Variants in NAV1 observed in about 807,000 individuals in gnomAD.
The protein encoded by NAV1 is pore membrane and/or filament interacting like protein 3.
A neutral mutation model predicts 175.2 loss-of-function variants in NAV1; 18 were observed. That is an observed-to-expected ratio of 0.10 (90% CI 0.07 to 0.15). The LOEUF is 0.15. Among genes scored for constraint, NAV1 ranks in the 10% least tolerant of loss-of-function variants. The probability of loss-of-function intolerance (pLI) is 1.00; values close to 1 mark genes in which losing one functional copy is unlikely to be tolerated. For missense variants in NAV1, 1,731 were observed against 2,436.6 expected (o/e 0.71, Z 6.10); for synonymous variants, 897 against 978.7 (o/e 0.92, Z 1.56).
intron 1 of NAV1, among the ~76,000 whole-genome samples, chr1:201,671,797 C>A (rs891578235): frequency 6.6e-6 from 1 of 152,162 alleles, no homozygotes; most frequent in African/African-American, 2.4e-5. Context: ...CATGGGGAAC[C>A]ATGCCACTGG....
intron 1 of NAV1, among the ~76,000 whole-genome samples, chr1:201,669,252 G>T (rs142580338): frequency 1.6e-4 from 24 of 152,342 alleles, no homozygotes; most frequent in African/African-American, 5.8e-4. Context: ...CTCACATTGG[G>T]TACATGTTAT....
Position 201,718,823 on chromosome 1 carries a change from A to G in NAV1, c.1226+68A>G. On this transcript the variant is annotated intron_variant, in intron 3 of 29. Coordinates refer to ENST00000367296, the Ensembl canonical transcript of NAV1. The surrounding 1 kb of genome is among the most constrained non-coding windows in gnomAD (Gnocchi z 4.8). Reference sequence around the variant, plus strand: ...AAGACCACTGGGATGCGACGCCTTAAAAGTGGAGTGGAACCCAAAACGGGT... The same window carrying G: ...AAGACCACTGGGATGCGACGCCTTAGAAGTGGAGTGGAACCCAAAACGGGT... 6.5e-7 allele frequency: 1 copy of G among 1,539,444 alleles called. No homozygotes were observed. Among genetic ancestry groups the G allele is most frequent in the South Asian group, 1.3e-5 (1 of 79,604 alleles).
Position 201,782,763 on chromosome 1 carries a change from GACA to G in NAV1, c.2255_2257del (p.Asn752del). 6.2e-7 allele frequency: 1 copy of G among 1,614,134 alleles called. No homozygotes were observed. The highest frequency in any genetic ancestry group is 8.5e-7 in the Non-Finnish European group (1 of 1,180,040). On this transcript the variant is annotated inframe_deletion, in exon 6 of 30. Transcript: ENST00000367296. This position sits in a 1 kb window ranked among gnomAD's most constrained non-coding sequence, Gnocchi z 5.4. ...AGCCAAGGCAGTGGCCTTGGACTCAGACAACATCTCCTTGAAGAGTATTGGCTC... is the reference window on the plus strand; with the variant it reads ...AGCCAAGGCAGTGGCCTTGGACTCAGACATCTCCTTGAAGAGTATTGGCTC...
upstream of NAV1, among the ~76,000 whole-genome samples, chr1:201,618,395 T>C (rs982671103): frequency 3.3e-5 from 5 of 152,104 alleles, no homozygotes; most frequent in African/African-American, 1.2e-4. Flanking sequence ...ACTAGCTAGA[T>C]CTCCAGCATG....
chr1:201,601,284 C>T (rs1462471728), intron 2 of NAV1, among the ~76,000 whole-genome samples: 1 of 152,152 alleles, frequency 6.6e-6, no homozygotes, highest in Non-Finnish European at 1.5e-5. Flanking sequence ...GAGTTCAAAA[C>T]CAGCTTGAGC....
At chr1:201,669,419 A>G (rs1372423786) in intron 1 of NAV1, among the ~76,000 whole-genome samples, 1 of 151,982 alleles carries the variant, frequency 6.6e-6, no homozygotes, top group East Asian at 1.9e-4. Flanking sequence ...AGGAGGCTCA[A>G]GTATTTGAGG....
chr1:201,638,572 C>T (rs1356368596), intron 2 of NAV1, among the ~76,000 whole-genome samples: 3 of 152,180 alleles, frequency 2.0e-5, no homozygotes, highest in African/African-American at 7.2e-5. Context: ...CTGTGGGGTT[C>T]TATATGTCTT....
intron 2 of NAV1, among the ~76,000 whole-genome samples, chr1:201,601,627 C>T (rs1045820447): frequency 4.6e-5 from 7 of 152,150 alleles, no homozygotes; most frequent in African/African-American, 1.2e-4. Flanking sequence ...CTCTTTCCAA[C>T]GTGTGAGGAC....
chr1:201,703,254 G>C (rs1374325414), intron 1 of NAV1, among the ~76,000 whole-genome samples: 4 of 152,340 alleles, frequency 2.6e-5, no homozygotes, highest in African/African-American at 9.6e-5. Flanking sequence ...GGGCAGGAAA[G>C]TCAAGGCCTG....
chr1:201,670,380 CAAAAAAAA>C (rs58216500), intron 1 of NAV1, among the ~76,000 whole-genome samples: 9 of 12,168 alleles, frequency 7.4e-4, no homozygotes, highest in African/African-American at 1.4e-3. Context: ...GACTCCATCT[CAAAAAAAA>C]AAAAAAAAAA....
intron 2 of NAV1, among the ~76,000 whole-genome samples, chr1:201,613,012 C>T (rs867856159): frequency 3.3e-5 from 5 of 152,022 alleles, no homozygotes; most frequent in Non-Finnish European, 7.4e-5. Flanking sequence ...ATTTCCAGGG[C>T]GGAGGGAGGG....
chr1:201,779,299 A>G (rs1235052033), intron 3 of NAV1, among the ~76,000 whole-genome samples: 1 of 152,096 alleles, frequency 6.6e-6, no homozygotes, highest in African/African-American at 2.4e-5. Flanking sequence ...AAACCCAAAA[A>G]TGAACAGCCA....
rs1678728687 is a variant in NAV1 at position 201,812,113 on chromosome 1, A to AT, written c.5024+142dup. 1 of 843,658 alleles carries AT rather than the reference A, an allele frequency of 1.2e-6. No individual in the cohort carries two copies. Among genetic ancestry groups the AT allele is most frequent in the Non-Finnish European group, 1.9e-6 (1 of 515,068 alleles). The allele number at this position is 843,658 out of a possible 1,614,324, so 52.3% of individuals were successfully genotyped here. ...TGGGCTGGAAATAGAAAGTAGATGT[A>AT]TTTGTCATGTCAGTTACAAGGTGGA... On this transcript the variant is annotated intron_variant, in intron 26 of 29. Transcript: ENST00000367296. The surrounding 1 kb of genome is among the most constrained non-coding windows in gnomAD (Gnocchi z 4.6).
At position 201,631,827 on chromosome 1, in the gene NAV1, TG is replaced by T. The variant is rs1025469685; in HGVS notation, c.4+2325del. On this transcript the variant is annotated intron_variant, in intron 2 of 29. Transcript: ENST00000367302. ...ATTTCCATATCAATTTGTAGATGGC[TG>T]GGGGTTTGGGGGCTTTTTTTTGAAG... Among the ~76,000 whole-genome samples the T allele has an allele frequency of 3.3e-5, 5 of 152,324 alleles. No individual in the cohort carries two copies. In the East Asian group the frequency reaches 7.7e-4, roughly 23 times the overall value.
chr1:201,714,890 G>A (rs185102974), intron 2 of NAV1, among the ~76,000 whole-genome samples: 5 of 152,238 alleles, frequency 3.3e-5, no homozygotes, highest in Non-Finnish European at 5.9e-5. Context: ...CCGTTAAGCC[G>A]GACAGCTTGA....
intron 28 of NAV1, 135 bp from the exon 33 acceptor site, chr1:201,816,953 C>T: frequency 1.4e-6 from 1 of 722,434 alleles, no homozygotes; most frequent in Non-Finnish European, 2.3e-6. Flanking sequence ...GGATTACAGG[C>T]ATGAGCCACT....
rs759365026 is a variant in NAV1 at position 201,642,190 on chromosome 1, CTCCTTTCT to C, written c.5-6430_5-6423del. ...CTCCCTTCCTTCCTTCCTTCCTTCC[CTCCTTTCT>C]TCCTTTCTTCCTTCCCTCCTTTCTT... is the stretch of plus-strand genomic sequence containing the variant. On this transcript the variant is annotated intron_variant, in intron 2 of 29. Transcript: ENST00000367302. Among the ~76,000 whole-genome samples, 278 of 127,438 alleles carry C rather than the reference CTCCTTTCT, an allele frequency of 2.2e-3. 7 individuals carry two copies. The highest frequency in any genetic ancestry group is 0.018 in the Admixed American group (206 of 11,204). 83.6% of individuals were successfully genotyped at this position (127,438 alleles called of 152,430 possible).
chr1:201,561,689 G>A (rs1224915865), intron 1 of NAV1, among the ~76,000 whole-genome samples: 1 of 152,190 alleles, frequency 6.6e-6, no homozygotes, highest in East Asian at 1.9e-4. Flanking sequence ...GGCTTCCTGG[G>A]GGCAGGGTTC....
chr1:201,796,704 C>G (rs1331639698), intron 15 of NAV1: 1 of 152,202 alleles, frequency 6.6e-6, no homozygotes, highest in Non-Finnish European at 1.5e-5. Flanking sequence ...GAGGTGGTAT[C>G]TCGTTGTGGT....
Sources: allele counts gnomAD v4.1 joint callset (sites outside exome capture counted in the v4.1 genomes callset), GRCh38; gene constraint gnomAD v4.1.1; non-coding constraint Gnocchi (gnomAD v3.1); transcripts MANE v1.5; gene names NCBI Gene and HGNC (gene_info 2026-07-23, HGNC 2026-07-21).